The following CHRM2 variants were observed in gnomAD, a reference collection of about 807,000 sequenced individuals.
CHRM2 encodes the protein muscarinic acetylcholine receptor M2.
Under a neutral mutation model 25.0 loss-of-function variants are expected in CHRM2, and 8 were observed. The ratio of observed to expected loss-of-function variants is 0.32; its 90% CI spans 0.19 to 0.58. The LOEUF (loss-of-function observed/expected upper bound fraction) is 0.58, where lower values mean the gene tolerates loss of function less well. Among genes scored for constraint, CHRM2 ranks in the 20% least tolerant of loss-of-function variants. The pLI, the probability that CHRM2 is intolerant of heterozygous loss-of-function variation, is 0.88. For missense variants in CHRM2, 440 were observed against 567.1 expected, an observed-to-expected ratio of 0.78 and a Z score of 2.28; for synonymous variants, 202 against 205.7, an observed-to-expected ratio of 0.98 and a Z score of 0.15.
intron 2 of CHRM2, among the ~76,000 whole-genome samples, chr7:136,890,625 G>A (rs1417065332): frequency 6.6e-6 from 1 of 152,196 alleles, no homozygotes; most frequent in Non-Finnish European, 1.5e-5. Context: ...CTGAGCTCCA[G>A]TGAGTACTAA....
intron 2 of CHRM2, among the ~76,000 whole-genome samples, chr7:136,927,667 T>A (rs1798827058): frequency 6.6e-6 from 1 of 152,180 alleles, no homozygotes; most frequent in Admixed American, 6.5e-5. Flanking sequence ...GAGCAACATT[T>A]CCAAAATAAT....
At chr7:136,873,726 G>T (rs1795934492) in intron 2 of CHRM2, among the ~76,000 whole-genome samples, 1 of 152,102 alleles carries the variant, frequency 6.6e-6, no homozygotes, top group South Asian at 2.1e-4. Context: ...CCTGTGTTTG[G>T]GGAAAACAAA....
intron 2 of CHRM2, among the ~76,000 whole-genome samples, chr7:136,952,623 G>T (rs543557161): frequency 6.6e-6 from 1 of 151,812 alleles, no homozygotes; most frequent in Non-Finnish European, 1.5e-5. Context: ...TTTTTGCATA[G>T]ATAAACTTGT....
intron 2 of CHRM2, among the ~76,000 whole-genome samples, chr7:136,944,758 T>C (rs980955577): frequency 6.6e-6 from 1 of 152,068 alleles, no homozygotes; most frequent in African/African-American, 2.4e-5. Context: ...TTGTTTTCCG[T>C]AGTGGTTGTA....
At chr7:136,998,977 T>A (rs1172373567) in intron 3 of CHRM2, among the ~76,000 whole-genome samples, 1 of 152,164 alleles carries the variant, frequency 6.6e-6, no homozygotes, top group African/African-American at 2.4e-5. Flanking sequence ...AAAGGCAGTA[T>A]CAAATTTTAA....
chr7:136,871,301 G>A (rs1161638568), intron 2 of CHRM2: 1 of 152,310 alleles, frequency 6.6e-6, no homozygotes, highest in South Asian at 2.1e-4. Flanking sequence ...GGGCTCCTGC[G>A]GCTGCAGCGC....
At chr7:136,886,278 T>TTC (rs1796461759) in intron 2 of CHRM2, among the ~76,000 whole-genome samples, 1 of 152,146 alleles carries the variant, frequency 6.6e-6, no homozygotes, top group Admixed American at 6.5e-5. Flanking sequence ...CGAGTGATAG[T>TTC]TCTCTAGTTT....
chr7:136,927,284 A>G (rs1275065223), intron 2 of CHRM2, among the ~76,000 whole-genome samples: 1 of 152,258 alleles, frequency 6.6e-6, no homozygotes, highest in East Asian at 1.9e-4. Flanking sequence ...CCAGAAACCT[A>G]ATCTTCTGGA....
intron 2 of CHRM2, among the ~76,000 whole-genome samples, chr7:136,873,308 G>A (rs969294933): frequency 6.6e-6 from 1 of 152,204 alleles, no homozygotes; most frequent in Non-Finnish European, 1.5e-5. Context: ...GGTATGTGGG[G>A]AAAGAGATGC....
Position 137,015,838 on chromosome 7 carries a change from A to T in CHRM2, c.973A>T (p.Ile325Phe), listed in dbSNP as rs773330734. 157 of 1,612,914 alleles carry T rather than the reference A, an allele frequency of 9.7e-5. No homozygotes were observed. Among genetic ancestry groups the T allele is most frequent in the Non-Finnish European group, 1.2e-4 (140 of 1,179,346 alleles). ...AGATGAGAACTCTAAGCAAACATGC[A>T]TCAGAATTGGCACCAAGACCCCAAA... ...SKDENSKQTC[I>F]RIGTKTPKSD... Residue 325 changes from isoleucine (I) to phenylalanine (F), a missense_variant, in exon 4 of 4, where the codon ATC becomes TTC. Around this residue, in one of 5 missense-constraint regions of CHRM2, gnomAD observed 261 missense variants for 261.8 expected, o/e 1.00. Transcript: ENST00000680005. The surrounding 1 kb of genome is among the most constrained non-coding windows in gnomAD (Gnocchi z 5.1).
intron 2 of CHRM2, among the ~76,000 whole-genome samples, chr7:136,882,241 T>G (rs1796293712): frequency 6.6e-6 from 1 of 152,206 alleles, no homozygotes; most frequent in Admixed American, 6.5e-5. Flanking sequence ...CACATGGACC[T>G]ACTGTTTTTC....
rs1209174051 is a variant in CHRM2 at position 137,015,770 on chromosome 7, C to T, written c.905C>T (p.Thr302Ile). The T allele has an allele frequency of 6.2e-7, 1 of 1,613,062 alleles. No homozygotes were observed. Among genetic ancestry groups the T allele is most frequent in the African/African-American group, 1.3e-5 (1 of 74,800 alleles). ...TCTAATATGAGAGATGATGAAATAA[C>T]CCAGGATGAAAACACAGTTTCCACT... ...VASNMRDDEI[T>I]QDENTVSTSL... The change falls in exon 4 of 4, where the codon ACC becomes ATC. Residue 302 changes from threonine (T) to isoleucine (I), a missense_variant. Physicochemically the swap from Thr to Ile is moderately conservative, Grantham distance 89 (BLOSUM62 -1). Coordinates refer to ENST00000680005, the MANE Select transcript of CHRM2 (RefSeq NM_001006630.2). This position sits in a 1 kb window ranked among gnomAD's most constrained non-coding sequence, Gnocchi z 5.1.
intron 2 of CHRM2, among the ~76,000 whole-genome samples, chr7:136,947,943 A>G (rs1800165013): frequency 6.6e-6 from 1 of 152,170 alleles, no homozygotes; most frequent in Admixed American, 6.6e-5. Flanking sequence ...AAATTTGAGA[A>G]TGGCAGTGAA....
chr7:136,932,986 T>C (rs900276312), intron 2 of CHRM2, among the ~76,000 whole-genome samples: 1 of 152,152 alleles, frequency 6.6e-6, no homozygotes, highest in Admixed American at 6.5e-5. Flanking sequence ...GCCCAGATTG[T>C]GCCACTGCAC....
intron 2 of CHRM2, among the ~76,000 whole-genome samples, chr7:136,916,087 T>C (rs570401097): frequency 1.3e-5 from 2 of 151,940 alleles, no homozygotes; most frequent in South Asian, 2.1e-4. Flanking sequence ...ACTATATAAT[T>C]CCCCACATTT....
chr7:136,869,332 G>A lies in CHRM2; in HGVS notation c.-211G>A, dbSNP rs932747763. 1 of 152,186 alleles carries A rather than the reference G, an allele frequency of 6.6e-6. No individual in the cohort carries two copies. The highest frequency in any genetic ancestry group is 2.1e-4 in the South Asian group (1 of 4,828). The allele number at this position is 152,186 out of a possible 1,614,324, so 9.4% of individuals were successfully genotyped here. A position where few individuals can be genotyped will look rare whatever the true frequency, so the allele number is the denominator to read the frequency against. On this transcript the variant is annotated 5_prime_UTR_variant, in exon 2 of 4. Coordinates refer to ENST00000680005, the MANE Select transcript of CHRM2 (RefSeq NM_001006630.2). This position sits in a 1 kb window ranked among gnomAD's most constrained non-coding sequence, Gnocchi z 4.9. ...TGCGCAGCTCCAGCCCGAGCGGATCGGCCCTGAACCCACAAAGGACTCCTC... is the reference window on the plus strand; with the variant it reads ...TGCGCAGCTCCAGCCCGAGCGGATCAGCCCTGAACCCACAAAGGACTCCTC...
At chr7:136,938,967 T>C (rs1447646721) in intron 2 of CHRM2, among the ~76,000 whole-genome samples, 1 of 101,094 alleles carries the variant, frequency 9.9e-6, no homozygotes, top group African/African-American at 3.4e-5. Context: ...AAAAAAAGAG[T>C]GCTTGTGTAG....
chr7:136,994,516 CTTTTCTTTTT>C (rs1803448152), intron 3 of CHRM2, among the ~76,000 whole-genome samples: 1 of 84,254 alleles, frequency 1.2e-5, no homozygotes, highest in Non-Finnish European at 2.5e-5. Context: ...CTCTTTTTTT[CTTTTCTTTTT>C]TTTTTTTTTT....
At chr7:136,994,317 C>G (rs189805274) in intron 3 of CHRM2, among the ~76,000 whole-genome samples, 1 of 152,242 alleles carries the variant, frequency 6.6e-6, no homozygotes, top group East Asian at 1.9e-4. Context: ...CATTAGTGGT[C>G]ATTCCATATG....
Sources: gnomAD v4.1 joint callset for allele counts (sites outside exome capture counted in the v4.1 genomes callset) on GRCh38, gnomAD v4.1.1 for gene constraint, gnomAD v4.1.1 regional missense constraint, Gnocchi (gnomAD v3.1) non-coding constraint, MANE v1.5 for transcripts, NCBI Gene and HGNC (gene_info 2026-07-23, HGNC 2026-07-21) for gene names.